Variants in PCDHA11 observed in about 807,000 individuals in gnomAD.
PCDHA11 encodes protocadherin alpha 11.
Under a neutral mutation model 70.3 loss-of-function variants are expected in PCDHA11, and 61 were observed. That is an observed-to-expected ratio of 0.87 (90% CI 0.71 to 1.07). The LOEUF is 1.07. PCDHA11 is among the 50% of genes least tolerant of loss of function. PCDHA11 has a pLI of 0.00. For missense variants in PCDHA11, 1,324 were observed against 1,237.5 expected (o/e 1.07, Z -1.05); for synonymous variants, 633 against 555.1 (o/e 1.14, Z -1.97).
intron 1 of PCDHA11, among the ~76,000 whole-genome samples, chr5:140,934,942 A>G (rs146210062): frequency 2.5e-3 from 376 of 152,312 alleles, no homozygotes; most frequent in African/African-American, 8.6e-3. Flanking sequence ...AAACTAGTAT[A>G]GAGAGATCCC....
chr5:140,925,671 A>G (rs999903876), intron 1 of PCDHA11, among the ~76,000 whole-genome samples: 5 of 148,178 alleles, frequency 3.4e-5, no homozygotes, highest in African/African-American at 1.2e-4. Flanking sequence ...TAATAATAAT[A>G]ATAATAAAGC....
In PCDHA11 at chr5:140,876,882, G is replaced by A. The variant is rs377092859; in HGVS notation, c.2391+5388G>A. The A allele has an allele frequency of 3.2e-5, 52 of 1,614,140 alleles. 1 individual carries two copies. The African/African-American group carries it at 4.3e-4, about 13-fold the overall frequency. On this transcript the variant is annotated intron_variant, in intron 1 of 3. Transcript: ENST00000398640. ...TGTTCGTGAAGGAGAACAACCCGCC[G>A]GGCTGCCACATCTTCACGGTGTCGG...
chr5:140,940,756 T>A (rs782132428), intron 1 of PCDHA11, among the ~76,000 whole-genome samples: 23 of 152,246 alleles, frequency 1.5e-4, no homozygotes, highest in Non-Finnish European at 2.8e-4. Context: ...GTGTGCCAAC[T>A]TTTATTTGAC....
chr5:140,966,280 G>C (rs782249047), intron 1 of PCDHA11: 3 of 365,660 alleles, frequency 8.2e-6, no homozygotes, highest in African/African-American at 4.2e-5. Flanking sequence ...CTGGACAGTG[G>C]GGGTAGGGAG....
chr5:140,966,205 CT>C, intron 1 of PCDHA11: 1 of 226,680 alleles, frequency 4.4e-6, no homozygotes. Flanking sequence ...GGCTTGACTG[CT>C]TTTCCCAGAC....
intron 1 of PCDHA11, chr5:140,927,033 G>A (rs2083768533): frequency 1.2e-6 from 2 of 1,612,344 alleles, no homozygotes; most frequent in Non-Finnish European, 1.7e-6. Flanking sequence ...GGCTGCCAGC[G>A]GCCGCTATGT....
intron 1 of PCDHA11, among the ~76,000 whole-genome samples, chr5:140,961,887 G>GT (rs35680913): frequency 0.069 from 9,857 of 143,718 alleles, 798 homozygotes; most frequent in African/African-American, 0.2. Flanking sequence ...ACTTACATCA[G>GT]TTTTTTTTTT....
chr5:140,957,523 T>G (rs987363578), intron 1 of PCDHA11, among the ~76,000 whole-genome samples: 1 of 152,156 alleles, frequency 6.6e-6, no homozygotes, highest in African/African-American at 2.4e-5. Context: ...TTTCAGACAT[T>G]CAGTGGGGAT....
Position 140,927,828 on chromosome 5 carries a change from G to A in PCDHA11, c.2392-51121G>A, listed in dbSNP as rs782244639. The A allele has an allele frequency of 7.4e-6, 12 of 1,614,074 alleles. No individual in the cohort carries two copies. The South Asian group carries it at 9.9e-5, about 13-fold the overall frequency. On this transcript the variant is annotated intron_variant, in intron 1 of 3. Coordinates refer to ENST00000398640, the MANE Select transcript of PCDHA11 (RefSeq NM_018902.5). ...CGCTCTTGGAGGCATACATTGAGGC[G>A]AGGGACGAAGGTGTCTTTGGTTTAG...
At chr5:140,923,638 C>G (rs1375136191) in intron 1 of PCDHA11, among the ~76,000 whole-genome samples, 1 of 152,176 alleles carries the variant, frequency 6.6e-6, no homozygotes, top group African/African-American at 2.4e-5. Flanking sequence ...AGGCAAAAAT[C>G]TTTAGCCTCC....
chr5:140,877,992 A>C, intron 1 of PCDHA11: 1 of 1,096,636 alleles, frequency 9.1e-7, no homozygotes, highest in South Asian at 2.1e-5. Context: ...TTGAACTTTT[A>C]TGTATTTGTC....
intron 1 of PCDHA11, chr5:140,927,149 T>C: frequency 1.2e-6 from 2 of 1,614,168 alleles, no homozygotes; most frequent in Non-Finnish European, 1.7e-6. Context: ...CGCGAACAGC[T>C]GTGCAGGGCC....
rs372349337 is a variant in PCDHA11, at chr5:140,882,421, C to A, written c.2391+10927C>A. On this transcript the variant is annotated intron_variant, in intron 1 of 3. Transcript: ENST00000398640. ...CCTTCGTGGGCCGCATCGCTCAGGA[C>A]CTGGGGCTGGAGCTGGCGGAGCTGG... is the stretch of plus-strand genomic sequence containing the variant. 5.0e-6 allele frequency: 8 copies of A among 1,613,986 alleles called. No homozygotes were observed. The African/African-American group carries it at 8.0e-5, about 16-fold the overall frequency.
chr5:140,944,277 C>T (rs922160593), intron 1 of PCDHA11, among the ~76,000 whole-genome samples: 1 of 152,044 alleles, frequency 6.6e-6, no homozygotes, highest in Non-Finnish European at 1.5e-5. Flanking sequence ...AGCCTTGACA[C>T]CCCGGGCTCA....
intron 1 of PCDHA11, among the ~76,000 whole-genome samples, chr5:140,891,837 G>T (rs563744812): frequency 2.9e-4 from 44 of 152,264 alleles, no homozygotes; most frequent in Admixed American, 1.9e-3. Flanking sequence ...AAAAGGACTT[G>T]ATGGAAGGAG....
At chr5:140,925,641 T>TATA (rs10569930) in intron 1 of PCDHA11, among the ~76,000 whole-genome samples, 50,126 of 143,032 alleles carry the variant, frequency 0.35, 8,990 homozygotes, top group South Asian at 0.5. Context: ...GAACTTAAAG[T>TATA]ATAATAATAA....
chr5:140,884,491 C>G, intron 1 of PCDHA11: 1 of 1,614,052 alleles, frequency 6.2e-7, no homozygotes, highest in East Asian at 2.2e-5. Flanking sequence ...CTCTAGTGTG[C>G]TCCAGCGCGG....
intron 3 of PCDHA11, among the ~76,000 whole-genome samples, chr5:140,992,716 G>A (rs1554253146): frequency 6.6e-6 from 1 of 152,160 alleles, no homozygotes; most frequent in African/African-American, 2.4e-5. Flanking sequence ...GCCAGTATTC[G>A]TAAATCCCAC....
intron 1 of PCDHA11, among the ~76,000 whole-genome samples, chr5:140,973,810 T>C (rs1179978402): frequency 6.6e-6 from 1 of 152,230 alleles, no homozygotes; most frequent in Non-Finnish European, 1.5e-5. Context: ...CTTGACAGAA[T>C]AGCAAAGTCA....
Sources: gnomAD v4.1 joint callset for allele counts (sites outside exome capture counted in the v4.1 genomes callset) on GRCh38, gnomAD v4.1.1 for gene constraint, MANE v1.5 for transcripts, NCBI Gene and HGNC (gene_info 2026-07-23, HGNC 2026-07-21) for gene names.